The following RXRA variants were observed in gnomAD, a reference collection of about 807,000 sequenced individuals.
RXRA encodes the protein retinoid X receptor alpha.
A neutral mutation model predicts 44.5 loss-of-function variants in RXRA; 5 were observed. The observed-to-expected ratio is 0.11, with a 90% confidence interval of 0.06 to 0.24. RXRA has a LOEUF of 0.24. RXRA is among the 10% of genes least tolerant of loss of function. RXRA has a pLI of 1.00. For missense variants in RXRA, 412 were observed against 646.5 expected (o/e 0.64, Z 3.93); for synonymous variants, 291 against 271.4 (o/e 1.07, Z -0.71).
At chr9:134,341,135 G>A (rs1050738281) in intron 1 of RXRA, among the ~76,000 whole-genome samples, 1 of 152,144 alleles carries the variant, frequency 6.6e-6, no homozygotes, top group Non-Finnish European at 1.5e-5. Flanking sequence ...AGCTGTGACC[G>A]CAGGCCCCGC....
intron 4 of RXRA, among the ~76,000 whole-genome samples, chr9:134,411,821 C>T (rs1024219722): frequency 2.0e-4 from 30 of 152,208 alleles, no homozygotes; most frequent in Non-Finnish European, 4.1e-4. Context: ...CTGCCAGTGC[C>T]TCTCCTTGTG....
At chr9:134,334,917 G>T (rs1367404501) in intron 1 of RXRA, among the ~76,000 whole-genome samples, 3 of 152,234 alleles carry the variant, frequency 2.0e-5, no homozygotes, top group Admixed American at 1.3e-4. Flanking sequence ...AGCGCTTTCG[G>T]GATGTGCAGC....
At chr9:134,412,083 C>A (rs1235033956) in intron 4 of RXRA, among the ~76,000 whole-genome samples, 1 of 152,240 alleles carries the variant, frequency 6.6e-6, no homozygotes, top group African/African-American at 2.4e-5. Flanking sequence ...CCTCTCTCCT[C>A]TTGGGCAAAC....
chr9:134,353,364 A>C (rs1554749702), intron 1 of RXRA, among the ~76,000 whole-genome samples: 1 of 152,106 alleles, frequency 6.6e-6, no homozygotes, highest in African/African-American at 2.4e-5. Context: ...GAGAGTGGGA[A>C]GGCAGGTGGT....
At chr9:134,331,771 G>GACACAA in intron 1 of RXRA, among the ~76,000 whole-genome samples, 1 of 151,940 alleles carries the variant, frequency 6.6e-6, no homozygotes, top group African/African-American at 2.4e-5. Flanking sequence ...CCCGCTGTGG[G>GACACAA]GCCTGCTTTT....
chr9:134,429,925 G>A (rs1156529031), intron 7 of RXRA, among the ~76,000 whole-genome samples: 7 of 151,522 alleles, frequency 4.6e-5, no homozygotes, highest in African/African-American at 1.2e-4. Context: ...TCGCTCTGTC[G>A]CCCAGGCTAG....
intron 1 of RXRA, among the ~76,000 whole-genome samples, chr9:134,398,210 C>T (rs1044145732): frequency 6.6e-6 from 1 of 152,142 alleles, no homozygotes; most frequent in Non-Finnish European, 1.5e-5. Context: ...GAATTCCTGA[C>T]CTCAGGTGAT....
Position 134,430,175 on chromosome 9 carries a change from C to T in RXRA, c.1043+935C>T, listed in dbSNP as rs191552725. On this transcript the variant is annotated intron_variant, in intron 7 of 9. Coordinates refer to ENST00000481739, the MANE Select transcript of RXRA (RefSeq NM_002957.6). ...TGCTGGGATTACAGGCGTGAGCCGC[C>T]GCGCCCGGCCTCTCTGCACAGTCTT... 6.4e-4 allele frequency among the ~76,000 whole-genome samples: 97 copies of T among 152,342 alleles called. 1 individual carries two copies. In the Middle Eastern group the frequency reaches 0.014, roughly 21 times the overall value.
chr9:134,395,696 C>T (rs779259278), intron 1 of RXRA, among the ~76,000 whole-genome samples: 6 of 152,246 alleles, frequency 3.9e-5, no homozygotes, highest in African/African-American at 1.4e-4. Context: ...CCCCATGGGG[C>T]CCCTTGGCAT....
intron 2 of RXRA, chr9:134,403,907 G>A (rs1831006290): frequency 6.6e-6 from 1 of 152,304 alleles, no homozygotes; most frequent in Non-Finnish European, 1.5e-5. Context: ...CGCTGTTGGC[G>A]TCGGTCTGCC....
chr9:134,363,499 C>G (rs1227672929), intron 1 of RXRA, among the ~76,000 whole-genome samples: 1 of 152,262 alleles, frequency 6.6e-6, no homozygotes, highest in Non-Finnish European at 1.5e-5. Flanking sequence ...TACCGTGCCC[C>G]TCCTCTGCAG....
At chr9:134,418,128 G>C (rs961157931) in intron 5 of RXRA, among the ~76,000 whole-genome samples, 1 of 152,154 alleles carries the variant, frequency 6.6e-6, no homozygotes, top group Non-Finnish European at 1.5e-5. Flanking sequence ...CCTACCCTAA[G>C]GCCTAGGAAC....
chr9:134,339,675 CTGTG>C (rs140800130), intron 1 of RXRA, among the ~76,000 whole-genome samples: 49 of 131,162 alleles, frequency 3.7e-4, no homozygotes, highest in African/African-American at 7.2e-4. Flanking sequence ...GTGTGTGAGC[CTGTG>C]TGTGTGTGTG....
chr9:134,330,183 C>A (rs1252711981), intron 1 of RXRA, among the ~76,000 whole-genome samples: 3 of 152,192 alleles, frequency 2.0e-5, no homozygotes, highest in South Asian at 2.1e-4. Flanking sequence ...AGGGCAGAGG[C>A]CCTCCCCAAC....
chr9:134,357,209 G>A (rs1043865079), intron 1 of RXRA, among the ~76,000 whole-genome samples: 5 of 152,204 alleles, frequency 3.3e-5, no homozygotes, highest in Non-Finnish European at 4.4e-5. Flanking sequence ...CGTCTAGGGC[G>A]GTTGGACAGG....
chr9:134,426,979 C>A lies in RXRA; in HGVS notation c.911-2129C>A. On this transcript the variant is annotated intron_variant, in intron 6 of 9. Coordinates refer to ENST00000481739, the MANE Select transcript of RXRA (RefSeq NM_002957.6). The surrounding 1 kb of genome is among the most constrained non-coding windows in gnomAD (Gnocchi z 4.6). ...CCCAGTGCCTCTCAGCCTGGGAAAA[C>A]CTGACGGGCTGAGCCGTAGGAGGGG... The A allele has an allele frequency of 1.0e-6, 1 of 985,248 alleles. No individual in the cohort carries two copies. Among genetic ancestry groups the A allele is most frequent in the Non-Finnish European group, 1.2e-6 (1 of 829,850 alleles). 61.0% of individuals were successfully genotyped at this position (985,248 alleles called of 1,614,324 possible). A position where few individuals can be genotyped will look rare whatever the true frequency, so the allele number is the denominator to read the frequency against.
intron 1 of RXRA, 134 bp from the exon 2 acceptor site, chr9:134,401,498 A>AAAGAGGT: frequency 7.0e-7 from 1 of 1,424,720 alleles, no homozygotes; most frequent in Non-Finnish European, 9.6e-7. Flanking sequence ...AGAGCTGTCG[A>AAAGAGGT]GACCCACGGG....
Position 134,349,246 on chromosome 9 carries a change from C to A in RXRA, c.28+22587C>A, listed in dbSNP as rs782422181. ...GCACCAGCCTGGCCCCGAGCTCCCA[C>A]TTCCTCATGCTGGGCACATGGGGAG... On this transcript the variant is annotated intron_variant, in intron 1 of 9. Transcript: ENST00000481739. The surrounding 1 kb of genome is among the most constrained non-coding windows in gnomAD (Gnocchi z 4.3). Among the ~76,000 whole-genome samples, 1 of 152,204 alleles carries A rather than the reference C, an allele frequency of 6.6e-6. No homozygotes were observed. Among genetic ancestry groups the A allele is most frequent in the African/African-American group, 2.4e-5 (1 of 41,444 alleles).
chr9:134,432,533 G>C (rs555582502), intron 8 of RXRA, among the ~76,000 whole-genome samples: 14 of 152,346 alleles, frequency 9.2e-5, no homozygotes, highest in African/African-American at 3.4e-4. Flanking sequence ...CCGACAGTGC[G>C]GCCCTTCTCC....
Sources: allele counts gnomAD v4.1 joint callset (sites outside exome capture counted in the v4.1 genomes callset), GRCh38; gene constraint gnomAD v4.1.1; non-coding constraint Gnocchi (gnomAD v3.1); transcripts MANE v1.5; gene names NCBI Gene and HGNC (gene_info 2026-07-23, HGNC 2026-07-21).